Variants in ANO3 observed in about 807,000 individuals in gnomAD.
ANO3 encodes anoctamin 3.
A neutral mutation model predicts 144.8 loss-of-function variants in ANO3; 99 were observed. The observed-to-expected ratio is 0.68, with a 90% CI of 0.58 to 0.81. ANO3 has a LOEUF of 0.81. Ranked by LOEUF, ANO3 falls within the 30% of genes least tolerant of loss-of-function variation. ANO3 has a pLI of 0.00. For missense variants in ANO3, 905 were observed against 1,202.2 expected, an observed-to-expected ratio of 0.75 and a Z score of 3.66; for synonymous variants, 414 against 392.6, an observed-to-expected ratio of 1.05 and a Z score of -0.64.
intron 7 of ANO3, among the ~76,000 whole-genome samples, chr11:26,527,403 T>C (rs760567699): frequency 1.3e-5 from 2 of 152,140 alleles, no homozygotes; most frequent in African/African-American, 2.4e-5. Flanking sequence ...CCCTTTTCAT[T>C]TTACTTATAA....
chr11:26,416,180 G>GT (rs1008183516), intron 1 of ANO3, among the ~76,000 whole-genome samples: 6 of 151,880 alleles, frequency 4.0e-5, no homozygotes, highest in Non-Finnish European at 8.8e-5. Flanking sequence ...ATTTTAGGCA[G>GT]TTTTTTTGTT....
chr11:26,306,104 G>T (rs914819674), upstream of ANO3, among the ~76,000 whole-genome samples: 2 of 149,926 alleles, frequency 1.3e-5, no homozygotes, highest in African/African-American at 4.9e-5. Flanking sequence ...GACTACAGGC[G>T]CCCGCCACCA....
At position 26,463,103 on chromosome 11, in the gene ANO3, C is replaced by T. The variant is rs141892021; in HGVS notation, c.387C>T (p.Asp129=). 55 of 1,593,870 alleles carry T rather than the reference C, an allele frequency of 3.5e-5. No individual in the cohort carries two copies. Among genetic ancestry groups the T allele is most frequent in the Middle Eastern group, 1.7e-4 (1 of 5,992 alleles). The stretch of plus-strand genomic sequence containing the variant: ...ATGACCGATCTCGTCTCATTAATGA[C>T]TTTGTTATCAAAGATAAATCTGAAT... ...ATYDRSRLIN[D]FVIKDKSEFK... Residue 129 remains aspartate, a synonymous_variant, in exon 4 of 27, where the codon GAC becomes GAT. Transcript: ENST00000256737.
intron 1 of ANO3, among the ~76,000 whole-genome samples, chr11:26,254,939 A>T (rs574448426): frequency 6.6e-6 from 1 of 152,244 alleles, no homozygotes; most frequent in East Asian, 1.9e-4. Flanking sequence ...TTTATAGATG[A>T]AAAAACAACT....
At chr11:26,313,754 G>A (rs1040152936) in intron 1 of ANO3, among the ~76,000 whole-genome samples, 1 of 151,774 alleles carries the variant, frequency 6.6e-6, no homozygotes, top group East Asian at 1.9e-4. Flanking sequence ...TGTAGATTAT[G>A]TGTAAGTACT....
At chr11:26,570,499 C>T (rs895482370) in intron 14 of ANO3, among the ~76,000 whole-genome samples, 1 of 152,026 alleles carries the variant, frequency 6.6e-6, no homozygotes, top group African/African-American at 2.4e-5. Flanking sequence ...AGGTAATTAA[C>T]CCATATAAGG....
At chr11:26,210,724 T>C (rs1385708645) in intron 1 of ANO3, among the ~76,000 whole-genome samples, 1 of 152,166 alleles carries the variant, frequency 6.6e-6, no homozygotes, top group East Asian at 1.9e-4. Context: ...TATTCCTAGG[T>C]ATTTTATTCT....
chr11:26,537,551 C>G, intron 10 of ANO3, 90 bp downstream of exon 10: 3 of 1,113,700 alleles, frequency 2.7e-6, no homozygotes, highest in Non-Finnish European at 4.1e-6. Flanking sequence ...TAGCTGTCCA[C>G]TCCCAGGAGG....
chr11:26,382,436 C>T (rs1856615033), intron 1 of ANO3, among the ~76,000 whole-genome samples: 1 of 152,144 alleles, frequency 6.6e-6, no homozygotes, highest in Admixed American at 6.6e-5. Context: ...GGCTCGTCTG[C>T]TCTTAATCCT....
At chr11:26,359,901 A>G (rs200367782) in intron 1 of ANO3, among the ~76,000 whole-genome samples, 5 of 84,672 alleles carry the variant, frequency 5.9e-5, no homozygotes, top group Non-Finnish European at 1.1e-4. Context: ...GTGTGTGTGT[A>G]AATTTTTATT....
intron 4 of ANO3, among the ~76,000 whole-genome samples, chr11:26,474,684 A>T (rs1203854875): frequency 6.6e-6 from 1 of 151,880 alleles, no homozygotes; most frequent in Non-Finnish European, 1.5e-5. Context: ...GGTAATAAGA[A>T]ACTTAATTTT....
chr11:26,365,904 GTACTT>G (rs1303015098), intron 1 of ANO3, among the ~76,000 whole-genome samples: 2 of 150,544 alleles, frequency 1.3e-5, no homozygotes, highest in Non-Finnish European at 3.0e-5. Flanking sequence ...TCTCTAGTGA[GTACTT>G]AATCCACAGC....
In ANO3 at chr11:26,478,326, A is replaced by G. The variant is rs140100642; in HGVS notation, c.432+15178A>G. 1.9e-3 allele frequency among the ~76,000 whole-genome samples: 293 copies of G among 152,260 alleles called. 2 individuals are homozygous for G. Among genetic ancestry groups the G allele is most frequent in the African/African-American group, 6.8e-3 (282 of 41,558 alleles). On this transcript the variant is annotated intron_variant, in intron 4 of 26. Transcript: ENST00000256737. The stretch of plus-strand genomic sequence containing the variant: ...GCACTAAAACAAGATGAAAACAACA[A>G]ATCACTCTAACCTAGAATAGCCTTT...
intron 4 of ANO3, among the ~76,000 whole-genome samples, chr11:26,471,113 C>T (rs556373113): frequency 1.3e-5 from 2 of 152,098 alleles, no homozygotes; most frequent in East Asian, 3.9e-4. Flanking sequence ...GTAATACTCT[C>T]ATTTTGACAA....
chr11:26,207,510 T>A (rs1851828246), intron 1 of ANO3, among the ~76,000 whole-genome samples: 1 of 152,160 alleles, frequency 6.6e-6, no homozygotes, highest in Admixed American at 6.5e-5. Context: ...TTAATAATGA[T>A]AATAATAATT....
intron 4 of ANO3, among the ~76,000 whole-genome samples, chr11:26,504,780 TTGGGAGGCCAAGGCGGGCAGATCACAA>T (rs1208357104): frequency 5.8e-5 from 5 of 86,302 alleles, no homozygotes; most frequent in South Asian, 6.6e-4. Context: ...TCCCAGCACT[TTGGGAGGCCAAGGCGGGCAGATCACAA>T]AGTCAGGAGA....
intron 14 of ANO3, among the ~76,000 whole-genome samples, chr11:26,566,482 T>C (rs1050597051): frequency 6.6e-6 from 1 of 151,978 alleles, no homozygotes; most frequent in Admixed American, 6.6e-5. Flanking sequence ...ATACTAGTCA[T>C]GAAATAACTC....
chr11:26,213,106 A>C (rs1232301303), intron 1 of ANO3, among the ~76,000 whole-genome samples: 3 of 152,148 alleles, frequency 2.0e-5, no homozygotes, highest in Non-Finnish European at 4.4e-5. Context: ...AACTCCTAAT[A>C]AACTGTGTAT....
At chr11:26,592,146 G>T (rs1286131426) in intron 14 of ANO3, among the ~76,000 whole-genome samples, 1 of 152,152 alleles carries the variant, frequency 6.6e-6, no homozygotes, top group Non-Finnish European at 1.5e-5. Flanking sequence ...TCATTGGTTA[G>T]GAAGGGCCAT....
Sources: allele counts gnomAD v4.1 joint callset (sites outside exome capture counted in the v4.1 genomes callset), GRCh38; gene constraint gnomAD v4.1.1; transcripts MANE v1.5; gene names NCBI Gene and HGNC (gene_info 2026-07-23, HGNC 2026-07-21).